Variants in ST6GALNAC3 observed in about 807,000 individuals in gnomAD.
ST6GALNAC3 encodes ST6 N-acetylgalactosaminide alpha-2,6-sialyltransferase 3.
ST6GALNAC3 carries 25 observed loss-of-function variants against 32.7 expected under a neutral mutation model. The observed-to-expected ratio is 0.76, with a 90% CI of 0.56 to 1.07. The LOEUF is 1.07. ST6GALNAC3 is among the 50% of genes least tolerant of loss of function. The pLI, the probability that ST6GALNAC3 is intolerant of heterozygous loss-of-function variation, is 0.00. For missense variants in ST6GALNAC3, 355 were observed against 382.4 expected (o/e 0.93, Z 0.60); for synonymous variants, 129 against 133.1 (o/e 0.97, Z 0.21).
intron 1 of ST6GALNAC3, among the ~76,000 whole-genome samples, chr1:76,261,916 G>T (rs1193919145): frequency 1.3e-5 from 2 of 152,166 alleles, no homozygotes; most frequent in Admixed American, 1.3e-4. Flanking sequence ...CACATTTTGA[G>T]AGTATCTGGA....
At chr1:76,245,098 C>T (rs1657184271) in intron 1 of ST6GALNAC3, among the ~76,000 whole-genome samples, 1 of 152,122 alleles carries the variant, frequency 6.6e-6, no homozygotes, top group Non-Finnish European at 1.5e-5. Context: ...TAATTACTGC[C>T]TCAATTTCAG....
intron 3 of ST6GALNAC3, among the ~76,000 whole-genome samples, chr1:76,455,745 C>T (rs573045933): frequency 6.6e-6 from 1 of 152,188 alleles, no homozygotes; most frequent in South Asian, 2.1e-4. Context: ...CCTCTTTTAC[C>T]CCAGCATTTT....
At chr1:76,520,703 A>G (rs1352490986) in intron 3 of ST6GALNAC3, among the ~76,000 whole-genome samples, 1 of 152,066 alleles carries the variant, frequency 6.6e-6, no homozygotes, top group Non-Finnish European at 1.5e-5. Flanking sequence ...ATTGGTATAT[A>G]TCGTCCTGGT....
At chr1:76,411,357 C>T (rs1327356429) in intron 2 of ST6GALNAC3, among the ~76,000 whole-genome samples, 3 of 152,052 alleles carry the variant, frequency 2.0e-5, no homozygotes, top group Admixed American at 6.6e-5. Flanking sequence ...GTGTATATAC[C>T]TTCCCATCTA....
intron 3 of ST6GALNAC3, among the ~76,000 whole-genome samples, chr1:76,503,969 GT>G (rs1661328611): frequency 6.6e-6 from 1 of 152,156 alleles, no homozygotes; most frequent in Non-Finnish European, 1.5e-5. Context: ...AAGGAACTGG[GT>G]TTTTTATCTC....
chr1:76,235,692 A>G (rs1054634299), intron 1 of ST6GALNAC3, among the ~76,000 whole-genome samples: 1 of 149,648 alleles, frequency 6.7e-6, no homozygotes, highest in African/African-American at 2.5e-5. Context: ...TACTAGGGCT[A>G]TGGTAACAAG....
At chr1:76,267,497 CG>C (rs1325365470) in intron 1 of ST6GALNAC3, among the ~76,000 whole-genome samples, 2 of 152,108 alleles carry the variant, frequency 1.3e-5, no homozygotes, top group African/African-American at 4.8e-5. Flanking sequence ...TTTTTTACCA[CG>C]TTTTCTTCAG....
chr1:76,103,642 G>A (rs994317509), intron 1 of ST6GALNAC3, among the ~76,000 whole-genome samples: 8 of 152,118 alleles, frequency 5.3e-5, no homozygotes, highest in Non-Finnish European at 1.0e-4. Flanking sequence ...GAGGCTGGAG[G>A]TCAAGGTATC....
chr1:76,296,227 A>G (rs954195994), intron 1 of ST6GALNAC3, among the ~76,000 whole-genome samples: 1 of 152,088 alleles, frequency 6.6e-6, no homozygotes, highest in African/African-American at 2.4e-5. Context: ...GAAGTGGAGG[A>G]AAAAGAATGA....
chr1:76,352,392 G>T (rs1649053882), intron 2 of ST6GALNAC3, among the ~76,000 whole-genome samples: 1 of 149,722 alleles, frequency 6.7e-6, no homozygotes. Context: ...GAATATTATT[G>T]GGCTCATAGG....
intron 1 of ST6GALNAC3, among the ~76,000 whole-genome samples, chr1:76,131,953 C>T (rs1056302215): frequency 2.6e-5 from 4 of 152,112 alleles, no homozygotes; most frequent in Non-Finnish European, 5.9e-5. Flanking sequence ...TCATTGCTGC[C>T]GAAATGGTCT....
intron 1 of ST6GALNAC3, among the ~76,000 whole-genome samples, chr1:76,157,188 AATAT>A (rs1175134615): frequency 6.6e-6 from 1 of 152,138 alleles, no homozygotes; most frequent in East Asian, 1.9e-4. Context: ...CTGATCTACA[AATAT>A]ATCTGTATGT....
At chr1:76,548,897 C>T (rs1020746686) in intron 3 of ST6GALNAC3, among the ~76,000 whole-genome samples, 5 of 152,108 alleles carry the variant, frequency 3.3e-5, no homozygotes, top group South Asian at 2.1e-4. Flanking sequence ...CTGGCTCTGC[C>T]GCCACTGTAT....
At chr1:76,477,682 G>T (rs1051140213) in intron 3 of ST6GALNAC3, among the ~76,000 whole-genome samples, 3 of 152,118 alleles carry the variant, frequency 2.0e-5, no homozygotes, top group Non-Finnish European at 2.9e-5. Context: ...CATTCTTGGG[G>T]CTCTTCACTC....
chr1:76,311,567 G>C (rs778737577), intron 1 of ST6GALNAC3, among the ~76,000 whole-genome samples: 1 of 152,124 alleles, frequency 6.6e-6, no homozygotes, highest in Non-Finnish European at 1.5e-5. Flanking sequence ...TGCTGAGAGT[G>C]ATGGTTTCCA....
At chr1:76,098,629 C>T (rs1490879314) in intron 1 of ST6GALNAC3, among the ~76,000 whole-genome samples, 1 of 151,976 alleles carries the variant, frequency 6.6e-6, no homozygotes, top group Non-Finnish European at 1.5e-5. Context: ...TTCTCTTTTA[C>T]CTTTTAGGGG....
At chr1:76,188,823 A>G (rs184155856) in intron 1 of ST6GALNAC3, among the ~76,000 whole-genome samples, 78 of 152,378 alleles carry the variant, frequency 5.1e-4, no homozygotes, top group African/African-American at 1.6e-3. Context: ...ATGAGGAACC[A>G]GAAGAGGACA....
chr1:76,075,183 G>A (rs1353361647), intron 1 of ST6GALNAC3, among the ~76,000 whole-genome samples: 2 of 152,208 alleles, frequency 1.3e-5, no homozygotes, highest in Non-Finnish European at 2.9e-5. Context: ...AGGGAGAGGA[G>A]GGGTGTTCCC....
chr1:76,155,536 C>T (rs1474980216), intron 1 of ST6GALNAC3, among the ~76,000 whole-genome samples: 1 of 151,996 alleles, frequency 6.6e-6, no homozygotes, highest in Non-Finnish European at 1.5e-5. Flanking sequence ...GGCGCAATCT[C>T]GGCTCACTGC....
Sources: allele counts gnomAD v4.1 joint callset (sites outside exome capture counted in the v4.1 genomes callset), GRCh38; gene constraint gnomAD v4.1.1; transcripts MANE v1.5; gene names NCBI Gene and HGNC (gene_info 2026-07-23, HGNC 2026-07-21).